Variants in COG5 observed in about 807,000 individuals in gnomAD.
COG5 encodes the protein component of oligomeric golgi complex 5.
In COG5, 86 loss-of-function variants were observed where a neutral mutation model predicts 110.4. That is an observed-to-expected ratio of 0.78 (90% CI 0.65 to 0.93). The LOEUF (loss-of-function observed/expected upper bound fraction) is 0.93, where lower values mean the gene tolerates loss of function less well. Among genes scored for constraint, COG5 ranks in the 40% least tolerant of loss-of-function variants. The pLI, the probability that COG5 is intolerant of heterozygous loss-of-function variation, is 0.00. For missense variants in COG5, 1,077 were observed against 987.0 expected (o/e 1.09, Z -1.22); for synonymous variants, 360 against 334.6 (o/e 1.08, Z -0.83).
chr7:107,494,649 G>A (rs1025974495), intron 6 of COG5, among the ~76,000 whole-genome samples: 2 of 152,090 alleles, frequency 1.3e-5, no homozygotes, highest in Non-Finnish European at 2.9e-5. Context: ...ACACAAAGAT[G>A]AATCACCTAA....
intron 7 of COG5, among the ~76,000 whole-genome samples, chr7:107,387,932 A>G (rs982440334): frequency 6.6e-6 from 1 of 152,218 alleles, no homozygotes; most frequent in Non-Finnish European, 1.5e-5. Flanking sequence ...CAATTGCTAG[A>G]TCAACATACA....
intron 6 of COG5, among the ~76,000 whole-genome samples, chr7:107,506,619 C>G (rs144780687): frequency 5.9e-5 from 9 of 152,092 alleles, no homozygotes; most frequent in African/African-American, 1.4e-4. Context: ...CCGCATACTT[C>G]GCAAGGCAGA....
chr7:107,399,772 T>G (rs1396021542), intron 7 of COG5, among the ~76,000 whole-genome samples: 1 of 152,146 alleles, frequency 6.6e-6, no homozygotes, highest in East Asian at 1.9e-4. Flanking sequence ...AACAAACCCT[T>G]CAAAAATTGA....
intron 6 of COG5, among the ~76,000 whole-genome samples, chr7:107,513,020 T>C (rs947261339): frequency 6.6e-6 from 1 of 151,948 alleles, no homozygotes; most frequent in East Asian, 1.9e-4. Flanking sequence ...CCAAAAGCAA[T>C]GGCAACAAAA....
At chr7:107,554,630 G>A (rs898904953) in intron 2 of COG5, among the ~76,000 whole-genome samples, 2 of 152,142 alleles carry the variant, frequency 1.3e-5, no homozygotes, top group Admixed American at 1.3e-4. Flanking sequence ...ACAAACAGAA[G>A]AAATTTATTG....
At chr7:107,365,532 C>G (rs576716839) in intron 8 of COG5, among the ~76,000 whole-genome samples, 1 of 120,190 alleles carries the variant, frequency 8.3e-6, no homozygotes, top group Admixed American at 1.2e-4. Flanking sequence ...TCTAAGGATT[C>G]TTTGATTACA....
intron 5 of COG5, among the ~76,000 whole-genome samples, chr7:107,541,523 A>T (rs10226639): frequency 0.039 from 2,096 of 54,162 alleles, 39 homozygotes; most frequent in Non-Finnish European, 0.049. Flanking sequence ...AAAAAAAAAA[A>T]ATATATATAT....
chr7:107,349,846 C>T (rs1366170941), intron 10 of COG5, among the ~76,000 whole-genome samples: 4 of 152,192 alleles, frequency 2.6e-5, no homozygotes, highest in Admixed American at 6.5e-5. Context: ...GCGTGAGCCA[C>T]AGCGCCCAGT....
At chr7:107,269,295 G>A (rs1306480979) in intron 14 of COG5, among the ~76,000 whole-genome samples, 1 of 152,102 alleles carries the variant, frequency 6.6e-6, no homozygotes, top group Non-Finnish European at 1.5e-5. Context: ...CTAACTCGGT[G>A]ATACCCCGTC....
chr7:107,267,346 G>C lies in COG5; in HGVS notation c.1576-8963C>G, dbSNP rs572851469. 2.0e-5 allele frequency among the ~76,000 whole-genome samples: 3 copies of C among 152,242 alleles called. No homozygotes were observed. The South Asian group carries it at 6.2e-4, about 32-fold the overall frequency. ...TAATCAAATCTATTATCCTCTCTAA[G>C]AGCTTTTATTTTTCCTGAAAGGATC... On this transcript the variant is annotated intron_variant, in intron 14 of 21. Coordinates refer to ENST00000297135, the MANE Select transcript of COG5 (RefSeq NM_006348.5).
At chr7:107,288,374 T>C (rs145754720) in intron 12 of COG5, among the ~76,000 whole-genome samples, 105 of 152,278 alleles carry the variant, frequency 6.9e-4, no homozygotes, top group African/African-American at 2.5e-3. Context: ...GAAAAAAAGT[T>C]TGAAGAACTG....
chr7:107,431,796 C>T (rs1433886240), intron 6 of COG5, among the ~76,000 whole-genome samples: 1 of 152,130 alleles, frequency 6.6e-6, no homozygotes, highest in Non-Finnish European at 1.5e-5. Context: ...GCTGGGACCA[C>T]AGGCATGCAC....
chr7:107,444,492 G>C (rs1159218232), intron 6 of COG5, among the ~76,000 whole-genome samples: 1 of 152,012 alleles, frequency 6.6e-6, no homozygotes, highest in Non-Finnish European at 1.5e-5. Context: ...CTCCAACCCT[G>C]CTTTTCAGAA....
intron 5 of COG5, among the ~76,000 whole-genome samples, chr7:107,545,201 A>G (rs189444943): frequency 1.3e-5 from 2 of 152,358 alleles, no homozygotes; most frequent in East Asian, 1.9e-4. Flanking sequence ...GAGAGAGAAG[A>G]AAGTTTATTT....
intron 10 of COG5, among the ~76,000 whole-genome samples, chr7:107,346,938 G>A (rs1032922060): frequency 3.3e-5 from 5 of 152,004 alleles, no homozygotes; most frequent in Non-Finnish European, 5.9e-5. Flanking sequence ...AGGTAAAACC[G>A]TTTAAATATT....
At chr7:107,360,638 C>T (rs1562988554) in intron 10 of COG5, among the ~76,000 whole-genome samples, 1 of 152,174 alleles carries the variant, frequency 6.6e-6, no homozygotes, top group Non-Finnish European at 1.5e-5. Context: ...ATCTAGATGC[C>T]TGCAGCATAA....
At chr7:107,361,763 T>C (rs988793676) in intron 10 of COG5, among the ~76,000 whole-genome samples, 4 of 152,078 alleles carry the variant, frequency 2.6e-5, no homozygotes, top group African/African-American at 9.7e-5. Flanking sequence ...AATTTCACCA[T>C]ATTGGTCAGG....
At chr7:107,531,386 G>C (rs982299040) in intron 5 of COG5, among the ~76,000 whole-genome samples, 12 of 152,180 alleles carry the variant, frequency 7.9e-5, no homozygotes, top group African/African-American at 2.9e-4. Context: ...ATCAGCCACT[G>C]ATATTCAATG....
chr7:107,303,101 C>CT (rs1807411490), intron 11 of COG5, among the ~76,000 whole-genome samples: 3 of 151,500 alleles, frequency 2.0e-5, no homozygotes, highest in Non-Finnish European at 4.4e-5. Flanking sequence ...GGTTTTTTTT[C>CT]TTTTTTTTCT....
Sources: gnomAD v4.1 joint callset for allele counts (sites outside exome capture counted in the v4.1 genomes callset) on GRCh38, gnomAD v4.1.1 for gene constraint, MANE v1.5 for transcripts, NCBI Gene and HGNC (gene_info 2026-07-23, HGNC 2026-07-21) for gene names.